ARHGAP42: variants seen among roughly 807,000 people sequenced by gnomAD.
ARHGAP42 encodes Rho GTPase activating protein 42, also known as rho GTPase-activating protein 42.
Under a neutral mutation model 125.0 loss-of-function variants are expected in ARHGAP42, and 63 were observed. The ratio of observed to expected loss-of-function variants is 0.50; its 90% CI spans 0.41 to 0.62. The LOEUF is 0.62. Among genes scored for constraint, ARHGAP42 ranks in the 20% least tolerant of loss-of-function variants. The pLI is 0.00. For missense variants in ARHGAP42, 766 were observed against 1,024.2 expected (o/e 0.75, Z 3.44); for synonymous variants, 339 against 351.0 (o/e 0.97, Z 0.38).
chr11:100,988,156 C>A (rs1408745539), intron 23 of ARHGAP42, among the ~76,000 whole-genome samples: 1 of 152,114 alleles, frequency 6.6e-6, no homozygotes, highest in Non-Finnish European at 1.5e-5. Context: ...AAAATTCCCT[C>A]TGGATTCATT....
At chr11:100,775,241 G>C (rs2134997739) in intron 2 of ARHGAP42, among the ~76,000 whole-genome samples, 1 of 152,238 alleles carries the variant, frequency 6.6e-6, no homozygotes, top group African/African-American at 2.4e-5. Flanking sequence ...GTTTTGAACT[G>C]AGTAAGGAAG....
At chr11:100,801,355 A>T (rs1367245104) in intron 3 of ARHGAP42, among the ~76,000 whole-genome samples, 1 of 152,182 alleles carries the variant, frequency 6.6e-6, no homozygotes, top group Admixed American at 6.5e-5. Context: ...AGTATTATAT[A>T]TATATTTGTT....
Position 100,984,974 on chromosome 11 carries a change from G to A in ARHGAP42, c.2457-2539G>A, listed in dbSNP as rs182459567. Among the ~76,000 whole-genome samples the A allele has an allele frequency of 3.4e-3, 516 of 152,202 alleles. 3 individuals carry two copies. The highest frequency in any genetic ancestry group is 0.011 in the African/African-American group (476 of 41,530). On this transcript the variant is annotated intron_variant, in intron 22 of 23. Transcript: ENST00000298815. ...ACAGATCTCGGCAGAAGAAAATTCC[G>A]TCTAGTCAGTGCACAGATAATTGAA...
chr11:100,922,778 T>C (rs1036382028), intron 6 of ARHGAP42, among the ~76,000 whole-genome samples: 1 of 152,196 alleles, frequency 6.6e-6, no homozygotes, highest in African/African-American at 2.4e-5. Flanking sequence ...GGGACTGTTA[T>C]CAGGCCCAAC....
intron 4 of ARHGAP42, among the ~76,000 whole-genome samples, chr11:100,869,965 AT>A (rs143908261): frequency 6.4e-4 from 97 of 152,078 alleles, no homozygotes; most frequent in Non-Finnish European, 1.2e-3. Flanking sequence ...TCAAGTATGC[AT>A]TTTTTTTAAG....
intron 1 of ARHGAP42, among the ~76,000 whole-genome samples, chr11:100,728,714 GTATA>G (rs57293905): frequency 0.069 from 4,814 of 69,644 alleles, 168 homozygotes; most frequent in East Asian, 0.18. Context: ...ATGACTTTGC[GTATA>G]TATATATATA....
intron 3 of ARHGAP42, among the ~76,000 whole-genome samples, chr11:100,847,027 T>TA (rs1865085053): frequency 6.6e-6 from 1 of 152,088 alleles, no homozygotes; most frequent in African/African-American, 2.4e-5. Flanking sequence ...GTGGGAAACT[T>TA]ACATACGGAG....
chr11:100,978,546 T>TA lies in ARHGAP42; in HGVS notation c.2394-434dup, dbSNP rs555995275. Among the ~76,000 whole-genome samples, 15 of 151,572 alleles carry TA rather than the reference T, an allele frequency of 9.9e-5. No individual in the cohort carries two copies. In the South Asian group the frequency reaches 1.7e-3, roughly 17 times the overall value. On this transcript the variant is annotated intron_variant, in intron 21 of 23. Coordinates refer to ENST00000298815, the MANE Select transcript of ARHGAP42 (RefSeq NM_152432.4). ...ACTTTACAGACATATGTTCACATAT[T>TA]AAAAAAATACATCAATAGTATTATA... is the stretch of plus-strand genomic sequence containing the variant.
At chr11:100,893,420 A>C (rs1866271137) in intron 4 of ARHGAP42, among the ~76,000 whole-genome samples, 1 of 152,132 alleles carries the variant, frequency 6.6e-6, no homozygotes, top group South Asian at 2.1e-4. Flanking sequence ...ATTGTTAGTA[A>C]TAAAATTGAT....
intron 4 of ARHGAP42, among the ~76,000 whole-genome samples, chr11:100,881,941 T>G (rs10895026): frequency 0.27 from 41,716 of 152,110 alleles, 5,952 homozygotes; most frequent in Non-Finnish European, 0.31. Context: ...GGAGAGCTAC[T>G]GATTTGTGTA....
chr11:100,925,150 C>T (rs1450270575), intron 6 of ARHGAP42, among the ~76,000 whole-genome samples: 1 of 151,734 alleles, frequency 6.6e-6, no homozygotes, highest in African/African-American at 2.4e-5. Context: ...GCTTTTTAAA[C>T]TCAGTTCTCT....
intron 4 of ARHGAP42, among the ~76,000 whole-genome samples, chr11:100,911,914 C>T (rs1198950545): frequency 2.6e-5 from 4 of 152,092 alleles, no homozygotes; most frequent in Non-Finnish European, 4.4e-5. Context: ...CCCTTCCCCC[C>T]ATTTATAGAT....
At chr11:100,744,249 G>A (rs953847489) in intron 1 of ARHGAP42, among the ~76,000 whole-genome samples, 18 of 152,226 alleles carry the variant, frequency 1.2e-4, no homozygotes, top group Non-Finnish European at 2.1e-4. Flanking sequence ...GATTACAGGC[G>A]TGAGCCACCA....
intron 3 of ARHGAP42, among the ~76,000 whole-genome samples, chr11:100,825,495 T>C (rs566640518): frequency 3.3e-5 from 5 of 152,252 alleles, no homozygotes; most frequent in South Asian, 2.1e-4. Context: ...ATTTTTATTA[T>C]ACCAGAATAA....
In ARHGAP42 at chr11:100,769,712, CTTTTTTTTTTTTTTTTTT is replaced by C. The variant is rs140626690; in HGVS notation, c.155-617_155-600del. Reference sequence around the variant, plus strand: ...ACCAGCAAGCTCAGTAGCATTCCTTCTTTTTTTTTTTTTTTTTTTTTTTTTTTTTTTAAGAAAAAATGC... The same window carrying C: ...ACCAGCAAGCTCAGTAGCATTCCTTCTTTTTTTTTTTTTAAGAAAAAATGC... On this transcript the variant is annotated intron_variant, in intron 1 of 23. Coordinates refer to ENST00000298815, the MANE Select transcript of ARHGAP42 (RefSeq NM_152432.4). Among the ~76,000 whole-genome samples, 21 of 78,098 alleles carry C rather than the reference CTTTTTTTTTTTTTTTTTT, an allele frequency of 2.7e-4. No homozygotes were observed. The East Asian group carries it at 3.4e-3, about 12-fold the overall frequency. The allele number at this position is 78,098 out of a possible 152,430, so 51.2% of individuals were successfully genotyped here.
At chr11:100,903,709 A>AAAAAAAAAAAATATAT (rs1332890022) in intron 4 of ARHGAP42, among the ~76,000 whole-genome samples, 25 of 63,498 alleles carry the variant, frequency 3.9e-4, no homozygotes, top group African/African-American at 6.1e-4. Flanking sequence ...TGTCCCTCAA[A>AAAAAAAAAAAATATAT]ATATATATAT....
chr11:100,727,627 C>T (rs893057332), intron 1 of ARHGAP42, among the ~76,000 whole-genome samples: 27 of 152,170 alleles, frequency 1.8e-4, no homozygotes, highest in African/African-American at 5.5e-4. Context: ...TATGAGGTTC[C>T]GGGAGCTTCC....
chr11:100,789,834 A>T (rs1255503411), intron 2 of ARHGAP42, among the ~76,000 whole-genome samples: 1 of 152,072 alleles, frequency 6.6e-6, no homozygotes, highest in Non-Finnish European at 1.5e-5. Flanking sequence ...TGAATTTATG[A>T]TCTGTACTTT....
At chr11:100,883,504 G>A (rs188632126) in intron 4 of ARHGAP42, among the ~76,000 whole-genome samples, 69 of 151,894 alleles carry the variant, frequency 4.5e-4, no homozygotes, top group African/African-American at 1.5e-3. Context: ...CACCATGCCC[G>A]GCTAATTTTT....
Sources: allele counts gnomAD v4.1 joint callset (sites outside exome capture counted in the v4.1 genomes callset), GRCh38; gene constraint gnomAD v4.1.1; transcripts MANE v1.5; gene names NCBI Gene and HGNC (gene_info 2026-07-23, HGNC 2026-07-21).